Variants in TRPC4AP observed in about 807,000 individuals in gnomAD.
The protein encoded by TRPC4AP is transient receptor potential cation channel subfamily C member 4 associated protein.
Under a neutral mutation model 99.0 loss-of-function variants are expected in TRPC4AP, and 45 were observed. That is an observed-to-expected ratio of 0.45 (90% CI 0.36 to 0.58). TRPC4AP has a LOEUF of 0.58. TRPC4AP is among the 20% of genes least tolerant of loss of function. TRPC4AP has a pLI of 0.00. For missense variants in TRPC4AP, 879 were observed against 985.3 expected (o/e 0.89, Z 1.44); for synonymous variants, 408 against 385.8 (o/e 1.06, Z -0.67).
chr20:35,007,402 G>T, intron 14 of TRPC4AP, 148 bp downstream of exon 14: 1 of 821,298 alleles, frequency 1.2e-6, no homozygotes. Context: ...GGAAACCCAG[G>T]GCAAAATCTA....
chr20:35,046,048 ACT>A (rs1409025072), intron 6 of TRPC4AP, among the ~76,000 whole-genome samples: 2 of 152,098 alleles, frequency 1.3e-5, no homozygotes, highest in East Asian at 3.9e-4. Flanking sequence ...TCTTACAGGT[ACT>A]CTCTGTGTAC....
At chr20:35,066,670 T>C (rs73903005) in intron 3 of TRPC4AP, among the ~76,000 whole-genome samples, 8,626 of 152,210 alleles carry the variant, frequency 0.057, 813 homozygotes, top group African/African-American at 0.2. Context: ...GAAATAGGCA[T>C]GGTTTAAATC....
intron 17 of TRPC4AP, 100 bp downstream of exon 17, chr20:35,004,358 C>A: frequency 1.0e-6 from 1 of 964,558 alleles, no homozygotes; most frequent in Non-Finnish European, 1.6e-6. Context: ...TCTCCAGAGA[C>A]GCACTTCTGG....
At chr20:35,087,270 C>T (rs1380564499) in intron 1 of TRPC4AP, among the ~76,000 whole-genome samples, 1 of 146,674 alleles carries the variant, frequency 6.8e-6, no homozygotes, top group Non-Finnish European at 1.5e-5. Context: ...ACCTGGGAGG[C>T]GGAGCTTGCA....
At chr20:35,004,436 T>G (rs770807718) in intron 17 of TRPC4AP, 22 bp downstream of exon 17, 1 of 1,599,892 alleles carries the variant, frequency 6.3e-7, no homozygotes. Flanking sequence ...TTCCCTGCTG[T>G]GTGTCTGCCG....
intron 1 of TRPC4AP, among the ~76,000 whole-genome samples, chr20:35,091,886 G>C (rs2085076732): frequency 6.6e-6 from 1 of 152,120 alleles, no homozygotes; most frequent in Non-Finnish European, 1.5e-5. Flanking sequence ...TACAAGTGAG[G>C]AAACTGAGGC....
intron 6 of TRPC4AP, among the ~76,000 whole-genome samples, chr20:35,047,909 GGTGCTGGGGCACAAGATAT>G: frequency 6.6e-6 from 1 of 152,018 alleles, no homozygotes; most frequent in Non-Finnish European, 1.5e-5. Flanking sequence ...AGCTTCCCTA[GGTGCTGGGGCACAAGATAT>G]GTGCCTGTTC....
At position 35,035,114 on chromosome 20, in the gene TRPC4AP, C is replaced by T; in HGVS notation, c.1051+9G>A. The T allele has an allele frequency of 6.2e-7, 1 of 1,610,136 alleles. No homozygotes were observed. Among genetic ancestry groups the T allele is most frequent in the African/African-American group, 1.3e-5 (1 of 74,958 alleles). ...CTCCCGATCACTCAGGGGACCCATC[C>T]TTCCATACCTTGATTGTGCTCTGAC... On this transcript the variant is annotated intron_variant, in intron 8 of 18. Transcript: ENST00000252015.
intron 8 of TRPC4AP, among the ~76,000 whole-genome samples, chr20:35,034,182 TA>T (rs1261128324): frequency 1.5e-5 from 2 of 135,408 alleles, no homozygotes; most frequent in East Asian, 2.1e-4. Flanking sequence ...AAAAAAAGAG[TA>T]AAAAAAAAGA....
At chr20:35,077,041 G>A (rs373918807) in intron 2 of TRPC4AP, among the ~76,000 whole-genome samples, 39 of 152,306 alleles carry the variant, frequency 2.6e-4, no homozygotes, top group East Asian at 1.2e-3. Flanking sequence ...GCAAGGCTCC[G>A]TGGGCATGGG....
intron 1 of TRPC4AP, among the ~76,000 whole-genome samples, chr20:35,084,325 A>G (rs552524884): frequency 6.6e-6 from 1 of 151,962 alleles, no homozygotes; most frequent in African/African-American, 2.4e-5. Context: ...ATTATACCTG[A>G]CTTCACCACC....
intron 7 of TRPC4AP, 84 bp downstream of exon 7, chr20:35,044,421 G>GAAAAGA: frequency 8.8e-7 from 1 of 1,133,596 alleles, no homozygotes. Flanking sequence ...AAAAAGAAAA[G>GAAAAGA]AAAAGAAAAA....
chr20:35,032,467 C>CTT lies in TRPC4AP; in HGVS notation c.1051+2654_1051+2655dup, dbSNP rs35808832. ...TCAAGCATAGTTTTAGTTCTTTGAT[C>CTT]TTTTTTTTTTTTTTTTTTTTTTGAG... On this transcript the variant is annotated intron_variant, in intron 8 of 18. Transcript: ENST00000252015. Among the ~76,000 whole-genome samples the CTT allele has an allele frequency of 4.6e-3, 442 of 95,222 alleles. 4 individuals are homozygous for CTT. The highest frequency in any genetic ancestry group is 8.3e-3 in the African/African-American group (221 of 26,548). The allele number at this position is 95,222 out of a possible 152,430, so 62.5% of individuals were successfully genotyped here.
At chr20:35,013,577 C>T (rs1033998815) in intron 10 of TRPC4AP, among the ~76,000 whole-genome samples, 5 of 152,104 alleles carry the variant, frequency 3.3e-5, no homozygotes, top group Non-Finnish European at 5.9e-5. Context: ...GACTCTGTCC[C>T]AAAAATCCAA....
intron 2 of TRPC4AP, among the ~76,000 whole-genome samples, chr20:35,073,791 G>A (rs2084391610): frequency 6.6e-6 from 1 of 152,226 alleles, no homozygotes; most frequent in East Asian, 1.9e-4. Flanking sequence ...CATAAAATGA[G>A]TTAGGGAGGA....
At chr20:35,023,706 T>C (rs2082946806) in intron 8 of TRPC4AP, among the ~76,000 whole-genome samples, 1 of 152,258 alleles carries the variant, frequency 6.6e-6, no homozygotes, top group African/African-American at 2.4e-5. Context: ...GCCTCTGTCG[T>C]GCACTGCTGT....
intron 1 of TRPC4AP, among the ~76,000 whole-genome samples, chr20:35,086,428 C>CAT (rs1491112111): frequency 2.5e-5 from 3 of 118,918 alleles, no homozygotes; most frequent in Non-Finnish European, 5.2e-5. Flanking sequence ...AAATGAATGG[C>CAT]ATATGTGTGT....
At chr20:35,014,614 T>C (rs565362141) in intron 10 of TRPC4AP, among the ~76,000 whole-genome samples, 5 of 152,284 alleles carry the variant, frequency 3.3e-5, no homozygotes, top group East Asian at 1.9e-4. Flanking sequence ...AGTTTCCGAA[T>C]TGAGCCAGAC....
intron 1 of TRPC4AP, among the ~76,000 whole-genome samples, chr20:35,086,564 T>C (rs2084884711): frequency 7.0e-6 from 1 of 143,072 alleles, no homozygotes; most frequent in Admixed American, 7.2e-5. Flanking sequence ...TGTGTGTGTG[T>C]GTGTGTGTGT....
Sources: gnomAD v4.1 joint callset for allele counts (sites outside exome capture counted in the v4.1 genomes callset) on GRCh38, gnomAD v4.1.1 for gene constraint, MANE v1.5 for transcripts, NCBI Gene and HGNC (gene_info 2026-07-23, HGNC 2026-07-21) for gene names.